The following HIP1 variants were observed in gnomAD, a reference collection of about 807,000 sequenced individuals.
The protein encoded by HIP1 is huntingtin interacting protein 1, also known as huntingtin-interacting protein 1.
In HIP1, 65 loss-of-function variants were observed where a neutral mutation model predicts 147.6. The ratio of observed to expected loss-of-function variants is 0.44; its 90% CI spans 0.36 to 0.54. HIP1 has a LOEUF of 0.54. Ranked by LOEUF, HIP1 falls within the 20% of genes least tolerant of loss-of-function variation. The probability of loss-of-function intolerance (pLI) is 0.00; values close to 1 mark genes in which losing one functional copy is unlikely to be tolerated. For synonymous variants in HIP1, 479 were observed against 504.0 expected (o/e 0.95, Z 0.67); for missense variants, 1,061 against 1,299.6 (o/e 0.82, Z 2.82).
intron 1 of HIP1, among the ~76,000 whole-genome samples, chr7:75,660,484 A>G (rs2117211052): frequency 6.6e-6 from 1 of 151,876 alleles, no homozygotes. Flanking sequence ...CCGAGATTGC[A>G]CCACTGCACT....
At chr7:75,595,244 C>CTTTCTTTCTT (rs1563230306) in intron 2 of HIP1, among the ~76,000 whole-genome samples, 1 of 112,748 alleles carries the variant, frequency 8.9e-6, no homozygotes. Flanking sequence ...TTCTTTCTTT[C>CTTTCTTTCTT]TTTCTTTCTT....
At chr7:75,630,999 G>T (rs1186419729) in intron 1 of HIP1, among the ~76,000 whole-genome samples, 2 of 152,228 alleles carry the variant, frequency 1.3e-5, no homozygotes, top group East Asian at 3.9e-4. Context: ...TGTCACCCAG[G>T]CTGGAGTGCA....
Position 75,555,463 on chromosome 7 carries a change from A to G in HIP1, c.1916T>C (p.Leu639Pro). 2.5e-6 allele frequency: 4 copies of G among 1,614,144 alleles called. No individual in the cohort carries two copies. The highest frequency in any genetic ancestry group is 3.4e-6 in the Non-Finnish European group (4 of 1,180,036). Residue 639 changes from leucine to proline, a missense_variant, in exon 19 of 31, where the codon CTG (leucine) becomes CCG (proline). Leu to Pro is a moderately conservative substitution (Grantham distance 98). This residue lies in a region of HIP1 where 810 missense variants were observed against 946.8 expected (regional missense o/e 0.86). Coordinates refer to ENST00000336926, the MANE Select transcript of HIP1 (RefSeq NM_005338.7). ...GAGAGGAGGTTCTTCAAGCTGGTTC[A>G]GGGCGTCTTGTATCACCTGCTCCGC... ...KAAEQVIQDA[L>P]NQLEEPPLIS...
intron 1 of HIP1, among the ~76,000 whole-genome samples, chr7:75,727,165 T>C (rs1428639784): frequency 1.3e-5 from 2 of 152,074 alleles, no homozygotes; most frequent in East Asian, 3.9e-4. Flanking sequence ...GGCTGGAGTG[T>C]AGTGGTGTGA....
chr7:75,663,993 TAC>T (rs1406542564), intron 1 of HIP1, among the ~76,000 whole-genome samples: 4 of 41,552 alleles, frequency 9.6e-5, no homozygotes, highest in African/African-American at 6.2e-4. Flanking sequence ...TGTATATATA[TAC>T]ACATATATGT....
intron 1 of HIP1, among the ~76,000 whole-genome samples, chr7:75,664,539 C>T (rs1799496253): frequency 1.3e-5 from 2 of 149,046 alleles, no homozygotes; most frequent in Non-Finnish European, 3.0e-5. Context: ...TACATATATA[C>T]ACATACATAT....
intron 1 of HIP1, among the ~76,000 whole-genome samples, chr7:75,621,175 C>A (rs1554507049): frequency 6.6e-6 from 1 of 152,126 alleles, no homozygotes; most frequent in Non-Finnish European, 1.5e-5. Context: ...CCACTGCACT[C>A]TAGCCTGGGC....
At chr7:75,584,395 A>G (rs1554499177) in intron 5 of HIP1, among the ~76,000 whole-genome samples, 2 of 152,144 alleles carry the variant, frequency 1.3e-5, no homozygotes, top group Non-Finnish European at 1.5e-5. Flanking sequence ...CCACTCTTGT[A>G]TCGCTAATTG....
chr7:75,672,751 C>T (rs1554515482), intron 1 of HIP1, among the ~76,000 whole-genome samples: 1 of 152,118 alleles, frequency 6.6e-6, no homozygotes, highest in Non-Finnish European at 1.5e-5. Context: ...TTGCTTAATC[C>T]AAGCTCATAA....
intron 9 of HIP1, among the ~76,000 whole-genome samples, chr7:75,565,474 C>T (rs1308533404): frequency 3.9e-5 from 6 of 152,324 alleles, no homozygotes; most frequent in East Asian, 1.9e-4. Flanking sequence ...AATATGTACT[C>T]GGCTTCTCAA....
chr7:75,671,638 A>G (rs1306562897), intron 1 of HIP1, among the ~76,000 whole-genome samples: 2 of 152,180 alleles, frequency 1.3e-5, no homozygotes, highest in African/African-American at 4.8e-5. Context: ...AGGAGCTGCC[A>G]TACTGTTTTT....
chr7:75,652,023 A>AG (rs140566372), intron 1 of HIP1, among the ~76,000 whole-genome samples: 19 of 143,870 alleles, frequency 1.3e-4, no homozygotes, highest in African/African-American at 5.0e-4. Flanking sequence ...AAAAAAAAAA[A>AG]GCACTATATG....
intron 1 of HIP1, among the ~76,000 whole-genome samples, chr7:75,636,024 CAAAAAAAAAAAAAA>C (rs34434184): frequency 1.9e-5 from 1 of 53,708 alleles, no homozygotes; most frequent in East Asian, 6.6e-4. Flanking sequence ...GACCCTGTCT[CAAAAAAAAAAAAAA>C]AAAAAAAAAA....
At chr7:75,639,987 T>C (rs1406480792) in intron 1 of HIP1, among the ~76,000 whole-genome samples, 1 of 152,170 alleles carries the variant, frequency 6.6e-6, no homozygotes, top group Admixed American at 6.6e-5. Context: ...CTAAATGATG[T>C]CTGCCCTGAG....
chr7:75,606,210 T>C (rs1226118769), intron 1 of HIP1, among the ~76,000 whole-genome samples: 1 of 152,042 alleles, frequency 6.6e-6, no homozygotes, highest in Non-Finnish European at 1.5e-5. Context: ...GATGTGAGAA[T>C]GGAAATGACC....
intron 1 of HIP1, among the ~76,000 whole-genome samples, chr7:75,694,760 T>G (rs1371577841): frequency 1.3e-5 from 2 of 151,700 alleles, no homozygotes; most frequent in African/African-American, 4.8e-5. Flanking sequence ...TCCTCTCATC[T>G]CAGCCTCCCA....
chr7:75,696,866 C>T (rs1222988725), intron 1 of HIP1, among the ~76,000 whole-genome samples: 1 of 151,638 alleles, frequency 6.6e-6, no homozygotes, highest in Non-Finnish European at 1.5e-5. Flanking sequence ...TCCCGAAGTG[C>T]TGGGATTACA....
At chr7:75,667,992 G>A (rs1554514772) in intron 1 of HIP1, among the ~76,000 whole-genome samples, 1 of 152,158 alleles carries the variant, frequency 6.6e-6, no homozygotes, top group Admixed American at 6.6e-5. Flanking sequence ...AATATCTCAA[G>A]CCCCTGTATT....
At chr7:75,595,246 T>TCC (rs1796672816) in intron 2 of HIP1, among the ~76,000 whole-genome samples, 86 of 113,136 alleles carry the variant, frequency 7.6e-4, no homozygotes, top group African/African-American at 1.5e-3. Context: ...CTTTCTTTCT[T>TCC]TCTTTCTTCC....
Sources: gnomAD v4.1 joint callset for allele counts (sites outside exome capture counted in the v4.1 genomes callset) on GRCh38, gnomAD v4.1.1 for gene constraint, gnomAD v4.1.1 regional missense constraint, MANE v1.5 for transcripts, NCBI Gene and HGNC (gene_info 2026-07-23, HGNC 2026-07-21) for gene names.